BRINP2: variants seen among roughly 807,000 people sequenced by gnomAD.
BRINP2 encodes the protein BMP/retinoic acid-inducible neural-specific protein 2.
In BRINP2, 21 loss-of-function variants were observed where a neutral mutation model predicts 69.2. The ratio of observed to expected loss-of-function variants is 0.30; its 90% CI spans 0.22 to 0.44. BRINP2 has a LOEUF of 0.44. Among genes scored for constraint, BRINP2 ranks in the 20% least tolerant of loss-of-function variants. The pLI is 1.00. For missense variants in BRINP2, 877 were observed against 986.0 expected, an observed-to-expected ratio of 0.89 and a Z score of 1.48; for synonymous variants, 380 against 394.1, an observed-to-expected ratio of 0.96 and a Z score of 0.42.
chr1:177,258,382 G>A lies in BRINP2; in HGVS notation c.669+998G>A, dbSNP rs143019278. 3.5e-3 allele frequency among the ~76,000 whole-genome samples: 538 copies of A among 152,294 alleles called. 4 individuals are homozygous for A. The highest frequency in any genetic ancestry group is 0.013 in the African/African-American group (520 of 41,556). On this transcript the variant is annotated intron_variant, in intron 4 of 7. Transcript: ENST00000361539. ...AATTCATTCAATAAGTATTTACTGA[G>A]CACGTATTATTTGTCAGGCACTGTT...
chr1:177,199,113 A>C (rs746712885), intron 1 of BRINP2, among the ~76,000 whole-genome samples: 2 of 152,222 alleles, frequency 1.3e-5, no homozygotes, highest in Non-Finnish European at 2.9e-5. Context: ...CAGGGGAAGC[A>C]TATGTAAAGA....
intron 1 of BRINP2, among the ~76,000 whole-genome samples, chr1:177,219,413 A>G (rs532141601): frequency 2.6e-5 from 4 of 152,362 alleles, no homozygotes; most frequent in Admixed American, 1.3e-4. Context: ...AAAAAGGTAC[A>G]ATGATTCTTT....
chr1:177,236,369 C>T (rs934124485), intron 2 of BRINP2, among the ~76,000 whole-genome samples: 1 of 152,156 alleles, frequency 6.6e-6, no homozygotes, highest in Non-Finnish European at 1.5e-5. Context: ...TATATGGAAC[C>T]CTCTTATGTG....
At chr1:177,202,570 T>C (rs1648947168) in intron 1 of BRINP2, among the ~76,000 whole-genome samples, 1 of 152,218 alleles carries the variant, frequency 6.6e-6, no homozygotes, top group Admixed American at 6.5e-5. Flanking sequence ...TGAGAGACAG[T>C]TTGTTATAAT....
At chr1:177,189,411 C>T (rs1648522835) in intron 1 of BRINP2, among the ~76,000 whole-genome samples, 2 of 152,146 alleles carry the variant, frequency 1.3e-5, no homozygotes, top group African/African-American at 4.8e-5. Context: ...TGCCAAGCCC[C>T]TGTCCACAGT....
At chr1:177,246,150 A>G (rs1427608889) in intron 2 of BRINP2, among the ~76,000 whole-genome samples, 2 of 152,200 alleles carry the variant, frequency 1.3e-5, no homozygotes, top group Non-Finnish European at 2.9e-5. Flanking sequence ...GGGCTGAGAT[A>G]TTACTTAACC....
intron 1 of BRINP2, among the ~76,000 whole-genome samples, chr1:177,211,292 T>C (rs1649215492): frequency 6.6e-6 from 1 of 152,190 alleles, no homozygotes; most frequent in South Asian, 2.1e-4. Flanking sequence ...TCCTGTGTGC[T>C]TCGTAGTAAT....
intron 4 of BRINP2, among the ~76,000 whole-genome samples, chr1:177,266,625 T>C (rs1651132052): frequency 6.6e-6 from 1 of 151,426 alleles, no homozygotes; most frequent in Admixed American, 6.6e-5. Flanking sequence ...CCGGGCGTGG[T>C]GGCGGGCACC....
intron 6 of BRINP2, among the ~76,000 whole-genome samples, 154 bp downstream of exon 6, chr1:177,276,588 C>T (rs1183344842): frequency 6.6e-6 from 1 of 152,196 alleles, no homozygotes; most frequent in Non-Finnish European, 1.5e-5. Context: ...GTTATATCAC[C>T]ACCCTGAGGC....
intron 1 of BRINP2, among the ~76,000 whole-genome samples, chr1:177,183,998 A>G (rs904726375): frequency 6.6e-6 from 1 of 152,210 alleles, no homozygotes; most frequent in South Asian, 2.1e-4. Flanking sequence ...TAAGTGCTCT[A>G]TTATCTTGAT....
At chr1:177,256,911 G>A (rs540187698) in intron 3 of BRINP2, 1 of 1,289,318 alleles carries the variant, frequency 7.8e-7, no homozygotes, top group Non-Finnish European at 9.9e-7. Context: ...GCTTGAGACA[G>A]AGTTCAATAG....
chr1:177,242,824 G>C (rs934650684), intron 2 of BRINP2, among the ~76,000 whole-genome samples: 1 of 152,120 alleles, frequency 6.6e-6, no homozygotes, highest in African/African-American at 2.4e-5. Context: ...AGGATGTTCT[G>C]GGATGAAATT....
At chr1:177,243,181 G>A (rs937722654) in intron 2 of BRINP2, among the ~76,000 whole-genome samples, 19 of 151,994 alleles carry the variant, frequency 1.3e-4, no homozygotes, top group African/African-American at 4.6e-4. Flanking sequence ...AATAAAGAGA[G>A]ATTAATTGAG....
chr1:177,263,651 A>G (rs143846203), intron 4 of BRINP2, among the ~76,000 whole-genome samples: 128 of 152,328 alleles, frequency 8.4e-4, no homozygotes, highest in African/African-American at 3.0e-3. Flanking sequence ...AGATCCACAG[A>G]GCACAGTGGA....
intron 4 of BRINP2, among the ~76,000 whole-genome samples, chr1:177,257,736 G>A (rs554488845): frequency 1.2e-4 from 18 of 152,302 alleles, no homozygotes; most frequent in African/African-American, 3.6e-4. Flanking sequence ...TTCCTGGGGC[G>A]TGGGGAGGGA....
chr1:177,199,676 T>C (rs1240444330), intron 1 of BRINP2, among the ~76,000 whole-genome samples: 1 of 152,192 alleles, frequency 6.6e-6, no homozygotes, highest in Non-Finnish European at 1.5e-5. Flanking sequence ...TAAAATTTTA[T>C]TTAGGTTGAG....
chr1:177,232,312 G>A (rs1649882906), intron 2 of BRINP2, among the ~76,000 whole-genome samples: 1 of 152,180 alleles, frequency 6.6e-6, no homozygotes, highest in Non-Finnish European at 1.5e-5. Context: ...GGGAGTGTCT[G>A]TAATCATTTC....
intron 1 of BRINP2, among the ~76,000 whole-genome samples, chr1:177,177,408 C>T (rs530246829): frequency 1.9e-4 from 29 of 152,242 alleles, no homozygotes; most frequent in African/African-American, 7.0e-4. Flanking sequence ...TATTATAACT[C>T]ATTCATTGTC....
chr1:177,173,440 C>A (rs773483917), intron 1 of BRINP2, among the ~76,000 whole-genome samples: 1 of 152,204 alleles, frequency 6.6e-6, no homozygotes, highest in African/African-American at 2.4e-5. Flanking sequence ...AAGACAGGAG[C>A]ATTCTTGACT....
Sources: allele counts gnomAD v4.1 joint callset (sites outside exome capture counted in the v4.1 genomes callset), GRCh38; gene constraint gnomAD v4.1.1; transcripts MANE v1.5; gene names NCBI Gene and HGNC (gene_info 2026-07-23, HGNC 2026-07-21).